The following LGSN variants were observed in gnomAD, a reference collection of about 807,000 sequenced individuals.
LGSN encodes lengsin, lens protein with glutamine synthetase domain, also known as lengsin.
In LGSN, 21 loss-of-function variants were observed where a neutral mutation model predicts 19.5. The ratio of observed to expected loss-of-function variants is 1.07; its 90% CI spans 0.76 to 1.55. LGSN has a LOEUF of 1.55. Ranked by LOEUF, LGSN falls within the 40% of genes most tolerant of loss-of-function variation. The probability of loss-of-function intolerance (pLI) is 0.00; values close to 1 mark genes in which losing one functional copy is unlikely to be tolerated. For synonymous variants in LGSN, 257 were observed against 215.6 expected, an observed-to-expected ratio of 1.19 and a Z score of -1.68; for missense variants, 673 against 608.5, an observed-to-expected ratio of 1.11 and a Z score of -1.12.
At chr6:63,385,927 T>C in the LGSN span, among the ~76,000 whole-genome samples, 10 of 152,310 alleles carry the variant, frequency 6.6e-5, no homozygotes, top group South Asian at 2.1e-3. Flanking sequence ...GCAAAAAGTC[T>C]GAGACCTCAG....
the LGSN span, among the ~76,000 whole-genome samples, chr6:63,375,513 C>T: frequency 2.6e-5 from 4 of 151,978 alleles, no homozygotes; most frequent in Non-Finnish European, 4.4e-5. Flanking sequence ...ATTTTTTATT[C>T]AGATTCCCTA....
At chr6:63,351,131 G>T in the LGSN span, among the ~76,000 whole-genome samples, 1 of 152,042 alleles carries the variant, frequency 6.6e-6, no homozygotes, top group Non-Finnish European at 1.5e-5. Context: ...ACCCCAGAAA[G>T]ATCCCTTCCC....
At chr6:63,320,553 A>T (rs1769046114), upstream of LGSN, among the ~76,000 whole-genome samples, 1 of 152,118 alleles carries the variant, frequency 6.6e-6, no homozygotes. Context: ...ATCCCAGACC[A>T]TCCCCACTGT....
the LGSN span, among the ~76,000 whole-genome samples, chr6:63,365,456 A>AG: frequency 6.9e-6 from 1 of 145,554 alleles, no homozygotes; most frequent in Non-Finnish European, 1.5e-5. Context: ...TAGCCTACCA[A>AG]CCAAAAAAAG....
the LGSN span, among the ~76,000 whole-genome samples, chr6:63,454,417 G>A: frequency 6.7e-6 from 1 of 150,054 alleles, no homozygotes; most frequent in Non-Finnish European, 1.5e-5. Context: ...TAATTTAGTC[G>A]TTAACAGATA....
chr6:63,385,522 G>A, the LGSN span, among the ~76,000 whole-genome samples: 1 of 152,164 alleles, frequency 6.6e-6, no homozygotes, highest in Non-Finnish European at 1.5e-5. Flanking sequence ...ACAAGCTAAG[G>A]CTGTTTCAGC....
the LGSN span, among the ~76,000 whole-genome samples, chr6:63,417,919 C>T: frequency 1.3e-5 from 2 of 152,046 alleles, no homozygotes. Flanking sequence ...GACAATGCAA[C>T]CAAATTAAAT....
At chr6:63,563,838 AC>A in the LGSN span, among the ~76,000 whole-genome samples, 1 of 152,184 alleles carries the variant, frequency 6.6e-6, no homozygotes, top group Non-Finnish European at 1.5e-5. Flanking sequence ...GAGACTAAGA[AC>A]CCTGCAAAGA....
chr6:63,484,956 T>C, the LGSN span, among the ~76,000 whole-genome samples: 1 of 152,262 alleles, frequency 6.6e-6, no homozygotes, highest in Non-Finnish European at 1.5e-5. Context: ...CTGCAAGTTT[T>C]AAAAGAAAGA....
chr6:63,426,491 A>G, the LGSN span, among the ~76,000 whole-genome samples: 1 of 152,078 alleles, frequency 6.6e-6, no homozygotes, highest in Non-Finnish European at 1.5e-5. Flanking sequence ...TAGGCTGCAT[A>G]AAGTTATTTA....
At chr6:63,307,037 AG>A (rs1296417914) in intron 1 of LGSN, among the ~76,000 whole-genome samples, 4 of 152,204 alleles carry the variant, frequency 2.6e-5, no homozygotes, top group African/African-American at 9.7e-5. Flanking sequence ...CTGTATCAGC[AG>A]TGACCACCTG....
chr6:63,425,943 A>G, the LGSN span, among the ~76,000 whole-genome samples: 2 of 152,210 alleles, frequency 1.3e-5, no homozygotes, highest in Non-Finnish European at 2.9e-5. Context: ...AGGCACTACC[A>G]TTGGAGGAAA....
chr6:63,365,090 C>G, the LGSN span, among the ~76,000 whole-genome samples: 1 of 152,026 alleles, frequency 6.6e-6, no homozygotes, highest in Non-Finnish European at 1.5e-5. Flanking sequence ...AAGATCAGAG[C>G]AGAACTGAAG....
the LGSN span, among the ~76,000 whole-genome samples, chr6:63,521,268 A>C: frequency 5.9e-5 from 9 of 152,338 alleles, no homozygotes; most frequent in African/African-American, 2.2e-4. Context: ...AAAAGAAAAA[A>C]ACGGCAAATA....
chr6:63,320,333 A>G (rs1407843876), upstream of LGSN, among the ~76,000 whole-genome samples: 1 of 152,178 alleles, frequency 6.6e-6, no homozygotes, highest in East Asian at 1.9e-4. Flanking sequence ...CGACTATGCT[A>G]TCAAAGCCCA....
chr6:63,495,306 G>A, the LGSN span, among the ~76,000 whole-genome samples: 1 of 151,896 alleles, frequency 6.6e-6, no homozygotes, highest in Non-Finnish European at 1.5e-5. Flanking sequence ...AGGAAATGAG[G>A]CTGAGAGAAG....
the LGSN span, among the ~76,000 whole-genome samples, chr6:63,464,698 A>T: frequency 6.6e-6 from 1 of 152,096 alleles, no homozygotes; most frequent in South Asian, 2.1e-4. Flanking sequence ...AAATTACATA[A>T]ACTTTAAATT....
At chr6:63,450,149 C>G in the LGSN span, among the ~76,000 whole-genome samples, 2 of 146,496 alleles carry the variant, frequency 1.4e-5, no homozygotes, top group Admixed American at 7.0e-5. Flanking sequence ...GAGTTCTAGA[C>G]CAGCCTGGCC....
At chr6:63,403,404 G>A in the LGSN span, among the ~76,000 whole-genome samples, 2 of 152,002 alleles carry the variant, frequency 1.3e-5, no homozygotes, top group African/African-American at 4.8e-5. Flanking sequence ...AGAATTTAGG[G>A]GGAAATTTGT....
Sources: allele counts gnomAD v4.1 joint callset (sites outside exome capture counted in the v4.1 genomes callset), GRCh38; gene constraint gnomAD v4.1.1; transcripts MANE v1.5; gene names NCBI Gene and HGNC (gene_info 2026-07-23, HGNC 2026-07-21).